SNX29: variants seen among roughly 807,000 people sequenced by gnomAD.
SNX29 encodes the protein sorting nexin-29.
SNX29 carries 78 observed loss-of-function variants against 102.1 expected under a neutral mutation model. The observed-to-expected ratio is 0.76, with a 90% CI of 0.64 to 0.92. The LOEUF is 0.92. SNX29 is among the 40% of genes least tolerant of loss of function. The pLI is 0.00. For synonymous variants in SNX29, 580 were observed against 414.5 expected (o/e 1.40, Z -4.85); for missense variants, 1,280 against 1,061.7 (o/e 1.21, Z -2.86).
At chr16:12,165,780 T>A (rs1241146640) in intron 13 of SNX29, among the ~76,000 whole-genome samples, 2 of 152,234 alleles carry the variant, frequency 1.3e-5, no homozygotes, top group African/African-American at 4.8e-5. Flanking sequence ...TCCAGGTTGG[T>A]CTCGAACTCC....
intron 1 of SNX29, among the ~76,000 whole-genome samples, chr16:11,996,794 A>G (rs1261651380): frequency 6.6e-6 from 1 of 152,166 alleles, no homozygotes; most frequent in Non-Finnish European, 1.5e-5. Flanking sequence ...AGGTGTCAAG[A>G]GGTGTTGGAG....
chr16:12,316,845 G>A (rs2080761621), intron 15 of SNX29, among the ~76,000 whole-genome samples: 1 of 152,174 alleles, frequency 6.6e-6, no homozygotes. Context: ...TGAAGGTGGT[G>A]GAAAGTGAAA....
chr16:12,271,112 A>C (rs575032766), intron 14 of SNX29, among the ~76,000 whole-genome samples: 1 of 152,378 alleles, frequency 6.6e-6, no homozygotes, highest in South Asian at 2.1e-4. Context: ...TACGTTGGTT[A>C]ACTATTGTTG....
chr16:12,555,618 C>A (rs777175582), intron 20 of SNX29, among the ~76,000 whole-genome samples: 1 of 151,574 alleles, frequency 6.6e-6, no homozygotes, highest in Non-Finnish European at 1.5e-5. Flanking sequence ...GTCCAGTGTG[C>A]ATGCCACACC....
In SNX29 at chr16:12,446,302, C is replaced by T. The variant is rs543875781; in HGVS notation, c.2038-31417C>T. 3.3e-5 allele frequency among the ~76,000 whole-genome samples: 5 copies of T among 152,298 alleles called. No homozygotes were observed. In the East Asian group the frequency reaches 7.7e-4, roughly 23 times the overall value. On this transcript the variant is annotated intron_variant, in intron 18 of 20. Transcript: ENST00000566228. Reference sequence around the variant, plus strand: ...AACTCCTGACCTCAAGTGATCCACCCGCCTTGGCCTCCCAAAGTGCTGGGA... The same window carrying T: ...AACTCCTGACCTCAAGTGATCCACCTGCCTTGGCCTCCCAAAGTGCTGGGA...
chr16:12,345,815 C>T (rs562753156), intron 15 of SNX29, among the ~76,000 whole-genome samples: 1 of 152,302 alleles, frequency 6.6e-6, no homozygotes, highest in South Asian at 2.1e-4. Context: ...CTCCTCCCAC[C>T]TCCTCTCCCA....
At position 12,574,028 on chromosome 16, in the gene SNX29, C is replaced by G. The variant is rs980477735; in HGVS notation, c.*5399C>G. The G allele has an allele frequency of 5.1e-6, 1 of 195,208 alleles. No individual in the cohort carries two copies. Among genetic ancestry groups the G allele is most frequent in the African/African-American group, 2.3e-5 (1 of 43,188 alleles). 12.1% of individuals were successfully genotyped at this position (195,208 alleles called of 1,614,324 possible). ...CCTTAAGGGTAAGCAGGCCACATAT[C>G]TAGAGTCTGATAGTCTGTGTGTACA... On this transcript the variant is annotated 3_prime_UTR_variant, in exon 21 of 21. Coordinates refer to ENST00000566228, the MANE Select transcript of SNX29 (RefSeq NM_032167.5).
chr16:12,133,853 A>G lies in SNX29; in HGVS notation c.1595+4095A>G, dbSNP rs566108580. On this transcript the variant is annotated intron_variant, in intron 13 of 20. Transcript: ENST00000566228. ...AAAGTGAGATATTCGAATGCTAAGT[A>G]TGCGCTTGTGTATATGTGTGTTTCA... is the stretch of plus-strand genomic sequence containing the variant. Among the ~76,000 whole-genome samples, 24 of 152,346 alleles carry G rather than the reference A, an allele frequency of 1.6e-4. 1 individual carries two copies. Among genetic ancestry groups the G allele is most frequent in the Middle Eastern group, 6.8e-3 (2 of 294 alleles).
intron 20 of SNX29, chr16:12,557,779 C>G (rs552283134): frequency 2.6e-5 from 4 of 152,194 alleles, no homozygotes; most frequent in Non-Finnish European, 4.4e-5. Context: ...TTTTTCAGCT[C>G]CATCACGATC....
chr16:12,008,804 C>T (rs1010703380), intron 3 of SNX29, among the ~76,000 whole-genome samples: 1 of 150,790 alleles, frequency 6.6e-6, no homozygotes, highest in Non-Finnish European at 1.5e-5. Flanking sequence ...TACAGTGGCG[C>T]AATCTCAGTT....
intron 20 of SNX29, among the ~76,000 whole-genome samples, chr16:12,562,920 G>GT (rs1289088673): frequency 6.6e-6 from 1 of 152,118 alleles, no homozygotes; most frequent in Non-Finnish European, 1.5e-5. Flanking sequence ...ATTCGTCCAT[G>GT]TTGCCAAAAA....
chr16:12,537,268 C>T (rs868580645), intron 20 of SNX29, among the ~76,000 whole-genome samples: 5 of 152,188 alleles, frequency 3.3e-5, no homozygotes, highest in Admixed American at 2.0e-4. Flanking sequence ...CTTTTCACCT[C>T]AGGAAACTGG....
chr16:12,012,314 G>A (rs1402635234), intron 3 of SNX29, among the ~76,000 whole-genome samples: 1 of 151,028 alleles, frequency 6.6e-6, no homozygotes, highest in East Asian at 1.9e-4. Flanking sequence ...AATGAGTGTT[G>A]TTTGGTTTGG....
chr16:12,535,867 C>G (rs894429357), intron 20 of SNX29, among the ~76,000 whole-genome samples: 1 of 152,182 alleles, frequency 6.6e-6, no homozygotes, highest in Non-Finnish European at 1.5e-5. Context: ...CCTATTGGTG[C>G]TGTCCAAGGT....
intron 13 of SNX29, among the ~76,000 whole-genome samples, chr16:12,161,080 C>T (rs2055765257): frequency 6.6e-6 from 1 of 152,222 alleles, no homozygotes; most frequent in African/African-American, 2.4e-5. Flanking sequence ...GTGATGATTT[C>T]ATCTTTCATT....
intron 13 of SNX29, among the ~76,000 whole-genome samples, chr16:12,130,793 C>T (rs946763614): frequency 6.6e-6 from 1 of 152,042 alleles, no homozygotes; most frequent in Admixed American, 6.6e-5. Context: ...ATTCACTTGA[C>T]ATCTCAGAGA....
At chr16:12,528,952 G>A (rs748198424) in intron 20 of SNX29, among the ~76,000 whole-genome samples, 1 of 152,210 alleles carries the variant, frequency 6.6e-6, no homozygotes. Context: ...TTTCAGTCCA[G>A]TATTAGATGG....
At chr16:12,118,927 T>C (rs972755869) in intron 11 of SNX29, among the ~76,000 whole-genome samples, 7 of 152,170 alleles carry the variant, frequency 4.6e-5, no homozygotes, top group African/African-American at 1.7e-4. Flanking sequence ...TGACATTCAC[T>C]GATGTGGGTG....
At chr16:12,148,426 C>T (rs2141565940) in intron 13 of SNX29, among the ~76,000 whole-genome samples, 1 of 151,072 alleles carries the variant, frequency 6.6e-6, no homozygotes, top group East Asian at 2.0e-4. Context: ...CTGTATCTGG[C>T]AAGGCTCTTT....
Sources: gnomAD v4.1 joint callset for allele counts (sites outside exome capture counted in the v4.1 genomes callset) on GRCh38, gnomAD v4.1.1 for gene constraint, MANE v1.5 for transcripts, NCBI Gene and HGNC (gene_info 2026-07-23, HGNC 2026-07-21) for gene names.